The following SEMA3D variants were observed in gnomAD, a reference collection of about 807,000 sequenced individuals.
The protein encoded by SEMA3D is semaphorin-3D.
A neutral mutation model predicts 100.1 loss-of-function variants in SEMA3D; 84 were observed. The observed-to-expected ratio is 0.84, with a 90% CI of 0.70 to 1.01. SEMA3D has a LOEUF of 1.01. Ranked by LOEUF, SEMA3D falls within the 50% of genes least tolerant of loss-of-function variation. The pLI, the probability that SEMA3D is intolerant of heterozygous loss-of-function variation, is 0.00. For missense variants in SEMA3D, 875 were observed against 934.1 expected, an observed-to-expected ratio of 0.94 and a Z score of 0.82; for synonymous variants, 312 against 320.7, an observed-to-expected ratio of 0.97 and a Z score of 0.29.
At chr7:85,113,508 C>T (rs887816251) in intron 3 of SEMA3D, among the ~76,000 whole-genome samples, 2 of 151,562 alleles carry the variant, frequency 1.3e-5, no homozygotes, top group African/African-American at 4.9e-5. Flanking sequence ...CGCGGTGGTT[C>T]ATGCCTGTAA....
chr7:85,163,136 C>G (rs1266975401), intron 1 of SEMA3D: 3 of 233,392 alleles, frequency 1.3e-5, no homozygotes. Flanking sequence ...GGAAAGTGGC[C>G]TCTCCATGAA....
chr7:85,065,119 A>C (rs1041572055), intron 8 of SEMA3D, among the ~76,000 whole-genome samples: 1 of 152,174 alleles, frequency 6.6e-6, no homozygotes, highest in African/African-American at 2.4e-5. Context: ...TTTTTATAGC[A>C]TAATAGTTTA....
intron 2 of SEMA3D, among the ~76,000 whole-genome samples, chr7:85,127,515 C>G (rs1400886352): frequency 6.6e-6 from 1 of 151,962 alleles, no homozygotes; most frequent in Non-Finnish European, 1.5e-5. Context: ...AGGTTTAAGC[C>G]TTGTGGGTTT....
chr7:85,000,188 C>A (rs1422584430), intron 18 of SEMA3D, among the ~76,000 whole-genome samples: 1 of 152,092 alleles, frequency 6.6e-6, no homozygotes, highest in Non-Finnish European at 1.5e-5. Context: ...AAACTGGAAA[C>A]CATCAAGTGG....
chr7:85,244,877 A>AT, the SEMA3D span, among the ~76,000 whole-genome samples: 11 of 151,866 alleles, frequency 7.2e-5, no homozygotes, highest in Admixed American at 5.3e-4. Flanking sequence ...CTCCCGGCTA[A>AT]TTTTTTTGTA....
chr7:85,090,681 G>A (rs188742845), intron 4 of SEMA3D, among the ~76,000 whole-genome samples: 2 of 152,220 alleles, frequency 1.3e-5, no homozygotes, highest in East Asian at 3.9e-4. Flanking sequence ...CAGCCATAGA[G>A]TAAGTTAATA....
At chr7:85,029,147 G>A (rs1790474747) in intron 12 of SEMA3D, 2 of 635,426 alleles carry the variant, frequency 3.1e-6, no homozygotes, top group Admixed American at 4.3e-5. Context: ...TCATTGCCAA[G>A]GATAAAAACC....
chr7:85,180,606 A>G (rs1221713286), intron 1 of SEMA3D, among the ~76,000 whole-genome samples: 5 of 152,250 alleles, frequency 3.3e-5, no homozygotes, highest in African/African-American at 1.2e-4. Context: ...TAAGTCTGCC[A>G]TAAACCACAT....
chr7:85,030,347 A>G (rs1790512916), intron 12 of SEMA3D, among the ~76,000 whole-genome samples: 2 of 152,176 alleles, frequency 1.3e-5, no homozygotes, highest in African/African-American at 4.8e-5. Context: ...AAAAGTACCT[A>G]TAACTACCTC....
intron 13 of SEMA3D, among the ~76,000 whole-genome samples, chr7:85,021,450 T>G (rs2115846841): frequency 6.6e-6 from 1 of 151,940 alleles, no homozygotes; most frequent in Admixed American, 6.6e-5. Flanking sequence ...CCCTTATTTT[T>G]CTGGTTTGTG....
At chr7:85,220,220 A>T in the SEMA3D span, among the ~76,000 whole-genome samples, 178 of 152,124 alleles carry the variant, frequency 1.2e-3, 3 homozygotes, top group East Asian at 0.026. Flanking sequence ...GTGTCTCTAA[A>T]CAATTCATTC....
chr7:85,223,594 A>C, the SEMA3D span, among the ~76,000 whole-genome samples: 2 of 152,026 alleles, frequency 1.3e-5, no homozygotes, highest in African/African-American at 4.8e-5. Context: ...CATAAAAAGG[A>C]CAAAATAATG....
chr7:85,131,777 T>A (rs777471047), intron 2 of SEMA3D, among the ~76,000 whole-genome samples: 142 of 152,012 alleles, frequency 9.3e-4, no homozygotes, highest in Non-Finnish European at 1.9e-3. Flanking sequence ...TTAAAAAAAA[T>A]TTATGCATCT....
At chr7:85,094,875 G>A (rs1294932481) in intron 4 of SEMA3D, among the ~76,000 whole-genome samples, 2 of 151,910 alleles carry the variant, frequency 1.3e-5, no homozygotes, top group Admixed American at 6.6e-5. Context: ...TCCTTGCAAT[G>A]TGTGCTTATA....
chr7:85,053,715 A>T (rs1360435389), intron 9 of SEMA3D, among the ~76,000 whole-genome samples: 2 of 152,076 alleles, frequency 1.3e-5, no homozygotes, highest in African/African-American at 4.8e-5. Flanking sequence ...TAGACATTTG[A>T]CCAATGGATC....
At chr7:85,138,969 G>T (rs1195011321) in intron 2 of SEMA3D, among the ~76,000 whole-genome samples, 2 of 151,990 alleles carry the variant, frequency 1.3e-5, no homozygotes, top group African/African-American at 4.8e-5. Context: ...CATTGAGAAG[G>T]CAGCTGAATT....
rs142460840 is a variant in SEMA3D, at chr7:85,004,291, C to T, written c.1908+2511G>A. ...TTATGTGTTACTGTAATTTTAAAAT[C>T]ATTTATATTGCTTTTAGAATAAAAA... On this transcript the variant is annotated intron_variant, in intron 18 of 18. Coordinates refer to ENST00000284136, the MANE Select transcript of SEMA3D (RefSeq NM_001384900.1). 1.2e-3 allele frequency among the ~76,000 whole-genome samples: 182 copies of T among 152,062 alleles called. 1 individual carries two copies. The highest frequency in any genetic ancestry group is 0.012 in the South Asian group (56 of 4,816).
chr7:85,110,517 CTTT>C (rs530892680), intron 3 of SEMA3D, among the ~76,000 whole-genome samples: 5 of 151,968 alleles, frequency 3.3e-5, no homozygotes, highest in South Asian at 4.1e-4. Flanking sequence ...TCCTTGAAAA[CTTT>C]TTTATGTTTA....
chr7:85,108,828 T>C (rs1789005784), intron 3 of SEMA3D, among the ~76,000 whole-genome samples: 1 of 151,950 alleles, frequency 6.6e-6, no homozygotes, highest in Non-Finnish European at 1.5e-5. Context: ...CCTTAATTGC[T>C]AGAAGTGATC....
Sources: allele counts gnomAD v4.1 joint callset (sites outside exome capture counted in the v4.1 genomes callset), GRCh38; gene constraint gnomAD v4.1.1; transcripts MANE v1.5; gene names NCBI Gene and HGNC (gene_info 2026-07-23, HGNC 2026-07-21).